Variants in IQSEC1 observed in about 807,000 individuals in gnomAD.
The protein encoded by IQSEC1 is IQ motif and Sec7 domain ArfGEF 1, also known as IQ motif and SEC7 domain-containing protein 1.
IQSEC1 carries 31 observed loss-of-function variants against 91.0 expected under a neutral mutation model. The ratio of observed to expected loss-of-function variants is 0.34; its 90% confidence interval spans 0.26 to 0.46. The LOEUF is 0.46. Ranked by LOEUF, IQSEC1 falls within the 20% of genes least tolerant of loss-of-function variation. The pLI is 1.00. For synonymous variants in IQSEC1, 699 were observed against 662.6 expected (o/e 1.05, Z -0.84); for missense variants, 1,388 against 1,575.6 (o/e 0.88, Z 2.02).
intron 1 of IQSEC1, among the ~76,000 whole-genome samples, chr3:13,234,557 ACTG>A (rs1694893508): frequency 6.6e-6 from 1 of 152,052 alleles, no homozygotes; most frequent in Non-Finnish European, 1.5e-5. Context: ...TTGCGCTATT[ACTG>A]CTGCTGCTGA....
At chr3:13,258,692 TTAAA>T (rs934570072) in intron 1 of IQSEC1, among the ~76,000 whole-genome samples, 9 of 151,860 alleles carry the variant, frequency 5.9e-5, no homozygotes, top group Non-Finnish European at 1.0e-4. Flanking sequence ...AAAATAAAGA[TTAAA>T]TAAATAAATA....
chr3:13,218,681 G>A (rs1182249679), intron 1 of IQSEC1, among the ~76,000 whole-genome samples: 2 of 152,196 alleles, frequency 1.3e-5, no homozygotes, highest in Non-Finnish European at 2.9e-5. Context: ...GGTGGCCCCA[G>A]GCCCAGAGGT....
intron 1 of IQSEC1, among the ~76,000 whole-genome samples, chr3:13,020,751 A>G (rs997481049): frequency 2.8e-4 from 43 of 151,930 alleles, no homozygotes; most frequent in Admixed American, 1.1e-3. Context: ...ATCACACACT[A>G]CCCTTGAACT....
rs903379465 is a variant in IQSEC1, at chr3:12,922,908, T to C, written c.1731-666A>G. Reference sequence around the variant, plus strand: ...AAGATGGAGTCTGCACCAGGAGCCCTGAGGCAGGCTCCAGCTTCTGGCCAA... The same window carrying C: ...AAGATGGAGTCTGCACCAGGAGCCCCGAGGCAGGCTCCAGCTTCTGGCCAA... On this transcript the variant is annotated intron_variant, in intron 4 of 13. Transcript: ENST00000613206. The surrounding 1 kb of genome is among the most constrained non-coding windows in gnomAD (Gnocchi z 5.1). Among the ~76,000 whole-genome samples the C allele has an allele frequency of 6.6e-5, 10 of 152,162 alleles. No individual in the cohort carries two copies. The highest frequency in any genetic ancestry group is 2.2e-4 in the African/African-American group (9 of 41,426).
intron 1 of IQSEC1, among the ~76,000 whole-genome samples, chr3:12,991,288 T>C (rs1227029152): frequency 6.6e-6 from 1 of 151,882 alleles, no homozygotes; most frequent in Non-Finnish European, 1.5e-5. Context: ...AGGGGTGGGG[T>C]GTTCCTTCCC....
intron 1 of IQSEC1, among the ~76,000 whole-genome samples, chr3:12,955,891 T>A (rs1484434450): frequency 6.7e-6 from 1 of 149,130 alleles, no homozygotes; most frequent in Non-Finnish European, 1.5e-5. Context: ...GTGTGGGGGG[T>A]TCACGAGGTC....
chr3:13,043,364 A>T (rs1004976131), intron 1 of IQSEC1, among the ~76,000 whole-genome samples: 1 of 151,956 alleles, frequency 6.6e-6, no homozygotes, highest in Non-Finnish European at 1.5e-5. Flanking sequence ...CCCATGGCCC[A>T]TTTCCCACAC....
intron 1 of IQSEC1, among the ~76,000 whole-genome samples, chr3:13,168,507 C>G (rs1237876907): frequency 1.3e-5 from 2 of 152,172 alleles, no homozygotes; most frequent in Non-Finnish European, 2.9e-5. Context: ...AAATCAGGTT[C>G]CTCTACCTTC....
intron 1 of IQSEC1, among the ~76,000 whole-genome samples, chr3:13,072,308 G>C (rs746391769): frequency 6.6e-6 from 1 of 152,256 alleles, no homozygotes; most frequent in Non-Finnish European, 1.5e-5. Flanking sequence ...AGAGCTGTGA[G>C]GGAAGCTGGC....
chr3:12,996,717 T>C (rs1234215147), intron 1 of IQSEC1, among the ~76,000 whole-genome samples: 3 of 151,978 alleles, frequency 2.0e-5, no homozygotes, highest in Non-Finnish European at 4.4e-5. Context: ...TTCAAATCGA[T>C]AGGAAAAAGA....
rs201769495 is a variant in IQSEC1 at position 12,936,359 on chromosome 3, C to T, written c.657G>A (p.Ala219=). ...LKSPAPSSDF[A]DAITELEDAF... is the part of the protein sequence containing the mutation. The stretch of plus-strand genomic sequence containing the variant: ...CGTCCTCCAGCTCGGTGATGGCGTC[C>T]GCAAAGTCACTGGAGGGGGCCGGAG... Residue 219 remains alanine, a synonymous_variant, in exon 3 of 14, where the codon GCG becomes GCA. Coordinates refer to ENST00000613206, the MANE Select transcript of IQSEC1 (RefSeq NM_001134382.3). 74 of 1,603,374 alleles carry T rather than the reference C, an allele frequency of 4.6e-5. No individual in the cohort carries two copies. Among genetic ancestry groups the T allele is most frequent in the African/African-American group, 6.7e-5 (5 of 74,862 alleles).
chr3:12,968,271 T>C (rs759659360), intron 1 of IQSEC1, among the ~76,000 whole-genome samples: 4 of 152,190 alleles, frequency 2.6e-5, no homozygotes, highest in Non-Finnish European at 5.9e-5. Flanking sequence ...GAATGGGCCC[T>C]ATCCTGAGGT....
intron 1 of IQSEC1, among the ~76,000 whole-genome samples, chr3:13,187,313 G>A (rs539994851): frequency 6.6e-6 from 1 of 152,326 alleles, no homozygotes; most frequent in African/African-American, 2.4e-5. Flanking sequence ...GATGGAAGCA[G>A]AGGAGGCAGC....
At chr3:12,904,013 G>A (rs1204590823) in intron 12 of IQSEC1, among the ~76,000 whole-genome samples, 1 of 152,212 alleles carries the variant, frequency 6.6e-6, no homozygotes, top group Non-Finnish European at 1.5e-5. Flanking sequence ...AGGCCGGGTT[G>A]GGCCCAGGAG....
chr3:13,195,656 A>G (rs1284884945), intron 1 of IQSEC1, among the ~76,000 whole-genome samples: 1 of 152,234 alleles, frequency 6.6e-6, no homozygotes, highest in Non-Finnish European at 1.5e-5. Context: ...CAGAGACAAC[A>G]TTCTTGCAAT....
chr3:13,221,991 C>T (rs1694668543), intron 1 of IQSEC1, among the ~76,000 whole-genome samples: 1 of 152,242 alleles, frequency 6.6e-6, no homozygotes. Context: ...CCTGCAACCC[C>T]CAGAGGAGTG....
chr3:13,072,658 C>T (rs902157156), intron 1 of IQSEC1, among the ~76,000 whole-genome samples: 1 of 152,234 alleles, frequency 6.6e-6, no homozygotes, highest in African/African-American at 2.4e-5. Context: ...TCTTCCTAAA[C>T]AGGCTATGGG....
intron 1 of IQSEC1, among the ~76,000 whole-genome samples, chr3:13,243,555 C>A (rs1023113761): frequency 6.6e-6 from 1 of 152,212 alleles, no homozygotes; most frequent in African/African-American, 2.4e-5. Flanking sequence ...CCATCTCTGT[C>A]TCTCGCAGAA....
chr3:12,944,580 C>G (rs77321106), intron 1 of IQSEC1, among the ~76,000 whole-genome samples: 1 of 152,220 alleles, frequency 6.6e-6, no homozygotes, highest in African/African-American at 2.4e-5. Flanking sequence ...CTTTGCAGCC[C>G]GAGGGCACAT....
Sources: gnomAD v4.1 joint callset for allele counts (sites outside exome capture counted in the v4.1 genomes callset) on GRCh38, gnomAD v4.1.1 for gene constraint, Gnocchi (gnomAD v3.1) non-coding constraint, MANE v1.5 for transcripts, NCBI Gene and HGNC (gene_info 2026-07-23, HGNC 2026-07-21) for gene names.